The following ABR variants were observed in gnomAD, a reference collection of about 807,000 sequenced individuals.
ABR encodes ABR activator of RhoGEF and GTPase.
ABR carries 35 observed loss-of-function variants against 107.2 expected under a neutral mutation model. The observed-to-expected ratio is 0.33, with a 90% CI of 0.25 to 0.43. The LOEUF is 0.43. Ranked by LOEUF, ABR falls within the 20% of genes least tolerant of loss-of-function variation. The pLI, the probability that ABR is intolerant of heterozygous loss-of-function variation, is 1.00. For missense variants in ABR, 815 were observed against 1,115.2 expected (o/e 0.73, Z 3.83); for synonymous variants, 498 against 462.0 (o/e 1.08, Z -1.00).
intron 6 of ABR, among the ~76,000 whole-genome samples, chr17:1,077,496 C>G (rs1346535681): frequency 2.0e-5 from 3 of 152,162 alleles, no homozygotes; most frequent in Non-Finnish European, 4.4e-5. Flanking sequence ...GCTGACCAGG[C>G]CAATTTCAAG....
intron 2 of ABR, among the ~76,000 whole-genome samples, chr17:1,112,621 A>AAGGAAGGAAGGAAGAGAGGAAGGAAGAG (rs1555584866): frequency 6.7e-6 from 1 of 149,226 alleles, no homozygotes; most frequent in Non-Finnish European, 1.5e-5. Flanking sequence ...GGGAGGAAGG[A>AAGGAAGGAAGGAAGAGAGGAAGGAAGAG]AGGAAGGAAG....
upstream of ABR, among the ~76,000 whole-genome samples, chr17:1,190,342 C>T (rs898671335): frequency 4.6e-5 from 7 of 152,304 alleles, no homozygotes; most frequent in East Asian, 1.9e-4. Flanking sequence ...TGCAATAAAA[C>T]TTGTTTTTAG....
chr17:1,226,848 A>G (rs111730398), intron 1 of ABR, among the ~76,000 whole-genome samples: 2,390 of 152,224 alleles, frequency 0.016, 48 homozygotes, highest in African/African-American at 0.044. Flanking sequence ...GCAGTGTACC[A>G]TGTATATACA....
chr17:1,149,621 T>C (rs1166345712), intron 1 of ABR, among the ~76,000 whole-genome samples: 2 of 152,136 alleles, frequency 1.3e-5, no homozygotes, highest in Non-Finnish European at 2.9e-5. Flanking sequence ...TTTCACCATG[T>C]TGGCCAGCTG....
intron 7 of ABR, 48 bp downstream of exon 7, chr17:1,073,577 C>T (rs936162104): frequency 1.4e-6 from 2 of 1,429,956 alleles, no homozygotes; most frequent in Admixed American, 2.2e-5. Context: ...CTCAGTCTTC[C>T]ACTGAACTCC....
intron 1 of ABR, among the ~76,000 whole-genome samples, chr17:1,198,570 C>T (rs1242656518): frequency 6.6e-6 from 1 of 151,244 alleles, no homozygotes; most frequent in African/African-American, 2.5e-5. Context: ...GGTGAAACCC[C>T]ATCTCTACTA....
chr17:1,229,306 C>A (rs2043289281), exon 1 of ABR, among the ~76,000 whole-genome samples: 1 of 151,488 alleles, frequency 6.6e-6, no homozygotes, highest in Non-Finnish European at 1.5e-5. Context: ...GCTTCTCCGG[C>A]CGCCCCGGGC....
intron 1 of ABR, among the ~76,000 whole-genome samples, chr17:1,132,208 C>T (rs565962168): frequency 4.6e-4 from 69 of 151,644 alleles, no homozygotes; most frequent in African/African-American, 1.4e-3. Flanking sequence ...TGAACACACA[C>T]ACACACAAAG....
chr17:1,123,462 CG>C (rs1241319780), intron 2 of ABR, among the ~76,000 whole-genome samples: 2 of 152,188 alleles, frequency 1.3e-5, no homozygotes, highest in Admixed American at 1.3e-4. Context: ...CTGTGCGTGA[CG>C]CCCGTGATCT....
chr17:1,046,904 C>A (rs915273389), intron 16 of ABR, among the ~76,000 whole-genome samples: 1 of 152,204 alleles, frequency 6.6e-6, no homozygotes, highest in African/African-American at 2.4e-5. Context: ...TGGGAAGCGG[C>A]CTCCAGGAGC....
chr17:1,215,051 T>C (rs963592681), intron 1 of ABR, among the ~76,000 whole-genome samples: 1 of 151,512 alleles, frequency 6.6e-6, no homozygotes, highest in Non-Finnish European at 1.5e-5. Flanking sequence ...AAAACCCCAT[T>C]TCTACAAAAC....
chr17:1,021,609 A>G (rs143447828), intron 16 of ABR, among the ~76,000 whole-genome samples: 346 of 149,162 alleles, frequency 2.3e-3, no homozygotes, highest in African/African-American at 4.7e-3. Context: ...ATCGAGACCA[A>G]CCTGACCAAC....
intron 1 of ABR, among the ~76,000 whole-genome samples, chr17:1,203,780 C>T (rs527683082): frequency 2.0e-5 from 3 of 152,068 alleles, no homozygotes; most frequent in Non-Finnish European, 2.9e-5. Flanking sequence ...CCTCGCGGGG[C>T]GAAGGGGGCT....
At chr17:1,184,418 G>A (rs1332111294), upstream of ABR, among the ~76,000 whole-genome samples, 1 of 152,086 alleles carries the variant, frequency 6.6e-6, no homozygotes, top group African/African-American at 2.4e-5. Context: ...TCACGCCACT[G>A]CACTCCAGCC....
At chr17:1,076,193 G>C (rs919281972) in intron 6 of ABR, among the ~76,000 whole-genome samples, 1 of 152,146 alleles carries the variant, frequency 6.6e-6, no homozygotes, top group Admixed American at 6.6e-5. Flanking sequence ...ATGAGTACCC[G>C]GCCAACCACT....
intron 2 of ABR, among the ~76,000 whole-genome samples, chr17:1,113,045 A>G (rs2038789067): frequency 6.6e-6 from 1 of 152,182 alleles, no homozygotes; most frequent in South Asian, 2.1e-4. Context: ...AGCATTTGTT[A>G]GCCGCCTGCT....
At chr17:1,072,071 T>C (rs1430905871) in intron 8 of ABR, among the ~76,000 whole-genome samples, 1 of 152,134 alleles carries the variant, frequency 6.6e-6, no homozygotes, top group Non-Finnish European at 1.5e-5. Context: ...GCCCAGCTAA[T>C]TTTTGTATTT....
In ABR at chr17:1,169,974, GTGTGTT is replaced by G. The variant is rs1193770761; in HGVS notation, c.61+9687_61+9692del. On this transcript the variant is annotated intron_variant, in intron 1 of 22. Coordinates refer to ENST00000302538, the MANE Select transcript of ABR (RefSeq NM_021962.5). ...TCTGTGTTTGTGTTTGTATGGGGGG[GTGTGTT>G]TGTGTTTGTGTTTGTGTGTGTGTGT... 5.0e-4 allele frequency among the ~76,000 whole-genome samples: 68 copies of G among 136,712 alleles called. 1 individual carries two copies. The highest frequency in any genetic ancestry group is 1.7e-3 in the African/African-American group (59 of 35,378). The allele number at this position is 136,712 out of a possible 152,430, so 89.7% of individuals were successfully genotyped here. A position where few individuals can be genotyped will look rare whatever the true frequency, so the allele number is the denominator to read the frequency against.
chr17:1,039,566 T>G (rs758877825), intron 16 of ABR: 1 of 152,434 alleles, frequency 6.6e-6, no homozygotes, highest in East Asian at 1.9e-4. Context: ...GGTGGGAGTC[T>G]GGGCTGGAGA....
Sources: allele counts gnomAD v4.1 joint callset (sites outside exome capture counted in the v4.1 genomes callset), GRCh38; gene constraint gnomAD v4.1.1; transcripts MANE v1.5; gene names NCBI Gene and HGNC (gene_info 2026-07-23, HGNC 2026-07-21).